The following DENND10 variants were observed in gnomAD, a reference collection of about 807,000 sequenced individuals.
DENND10 encodes the protein DENN domain-containing protein 10.
A neutral mutation model predicts 43.6 loss-of-function variants in DENND10; 24 were observed. The observed-to-expected ratio is 0.55, with a 90% CI of 0.40 to 0.77. The LOEUF (loss-of-function observed/expected upper bound fraction) is 0.77, where lower values mean the gene tolerates loss of function less well. Among genes scored for constraint, DENND10 ranks in the 30% least tolerant of loss-of-function variants. DENND10 has a pLI of 0.00. For missense variants in DENND10, 303 were observed against 429.9 expected (o/e 0.70, Z 2.61); for synonymous variants, 125 against 157.6 (o/e 0.79, Z 1.55).
intron 2 of DENND10, among the ~76,000 whole-genome samples, chr10:119,110,790 A>G (rs1844938057): frequency 6.6e-6 from 1 of 152,034 alleles, no homozygotes; most frequent in Non-Finnish European, 1.5e-5. Flanking sequence ...AGCTTATGGC[A>G]CCCTGCAGAG....
In DENND10 at chr10:119,116,835, A is replaced by AT. The variant is rs80097276; in HGVS notation, c.333-669dup. 2.5e-3 allele frequency among the ~76,000 whole-genome samples: 367 copies of AT among 144,664 alleles called. 2 individuals carry two copies. Among genetic ancestry groups the AT allele is most frequent in the African/African-American group, 7.3e-3 (284 of 38,992 alleles). 94.9% of individuals were successfully genotyped at this position (144,664 alleles called of 152,430 possible). On this transcript the variant is annotated intron_variant, in intron 3 of 8. Transcript: ENST00000361432. ...AGGCATGTACTGCCACACCTGGCTA[A>AT]TTTTTTTTTTTTTTTGGTATTTTTA...
In DENND10 at chr10:119,104,162, C is replaced by G. The variant is rs1047501020; in HGVS notation, c.20C>G (p.Ala7Gly). The change falls in exon 1 of 9, where the codon GCG becomes GGG. Residue 7 changes from alanine (A) to glycine (G), a missense_variant. Coordinates refer to ENST00000361432, the MANE Select transcript of DENND10 (RefSeq NM_207009.4). MAAAEV[A>G]DTQLMLGVGL... is the part of the protein sequence containing the mutation. ...CGGAAGATGGCTGCGGCCGAGGTGG[C>G]GGACACTCAGCTGATGCTTGGAGTC... 5 of 1,520,462 alleles carry G rather than the reference C, an allele frequency of 3.3e-6. No homozygotes were observed. The highest frequency in any genetic ancestry group is 1.4e-5 in the African/African-American group (1 of 69,820). 94.2% of individuals were successfully genotyped at this position (1,520,462 alleles called of 1,614,324 possible). A position where few individuals can be genotyped will look rare whatever the true frequency, so the allele number is the denominator to read the frequency against.
chr10:119,109,383 A>G (rs1844868014), intron 2 of DENND10, among the ~76,000 whole-genome samples: 1 of 152,144 alleles, frequency 6.6e-6, no homozygotes, highest in African/African-American at 2.4e-5. Flanking sequence ...GTTTTTTCAA[A>G]GAATAGAATA....
chr10:119,107,918 C>T (rs746052722), intron 1 of DENND10, 50 bp from the exon 2 acceptor site: 2 of 1,542,886 alleles, frequency 1.3e-6, no homozygotes, highest in Admixed American at 1.7e-5. Context: ...AATCAATTCA[C>T]TTCCTTGCTG....
intron 3 of DENND10, among the ~76,000 whole-genome samples, chr10:119,117,228 AG>A (rs931020091): frequency 6.6e-6 from 1 of 151,808 alleles, no homozygotes; most frequent in Non-Finnish European, 1.5e-5. Flanking sequence ...AAAACTTAGC[AG>A]GGTGTGGTGG....
chr10:119,108,225 C>G, intron 2 of DENND10, 61 bp downstream of exon 2: 1 of 1,213,344 alleles, frequency 8.2e-7, no homozygotes, highest in East Asian at 2.3e-5. Flanking sequence ...TGGCTCATGC[C>G]TGTAATCCCA....
chr10:119,106,285 G>A (rs1483768130), intron 1 of DENND10, among the ~76,000 whole-genome samples: 5 of 152,066 alleles, frequency 3.3e-5, no homozygotes, highest in Admixed American at 2.0e-4. Context: ...TTTTCCTTTC[G>A]GCAGATACCC....
At position 119,137,157 on chromosome 10, in the gene DENND10, A is replaced by C. The variant is rs1334064691; in HGVS notation, c.*510A>C. ...ATCATTCAAGAGACCCTGCAGTTGC[A>C]CTTTCTCGTAAAAGTTAAAAAAAAA... On this transcript the variant is annotated 3_prime_UTR_variant, in exon 9 of 9. Coordinates refer to ENST00000361432, the MANE Select transcript of DENND10 (RefSeq NM_207009.4). 5.6e-5 allele frequency: 8 copies of C among 141,958 alleles called. 1 individual carries two copies. Among genetic ancestry groups the C allele is most frequent in the Non-Finnish European group, 1.6e-5 (1 of 62,782 alleles). 8.8% of individuals were successfully genotyped at this position (141,958 alleles called of 1,614,324 possible).
At chr10:119,110,315 G>A (rs979528137) in intron 2 of DENND10, among the ~76,000 whole-genome samples, 8 of 151,676 alleles carry the variant, frequency 5.3e-5, no homozygotes, top group African/African-American at 1.9e-4. Flanking sequence ...GGGACTACAG[G>A]CATGCACCAC....
intron 2 of DENND10, among the ~76,000 whole-genome samples, chr10:119,109,742 C>T (rs1477404415): frequency 6.6e-6 from 1 of 151,640 alleles, no homozygotes; most frequent in Non-Finnish European, 1.5e-5. Flanking sequence ...CCTCAGCGTC[C>T]TGAGTAGCTG....
chr10:119,114,774 AT>A lies in DENND10; in HGVS notation c.333-2732del, dbSNP rs56026125. Among the ~76,000 whole-genome samples, 399 of 145,632 alleles carry A rather than the reference AT, an allele frequency of 2.7e-3. 3 individuals are homozygous for A. Among genetic ancestry groups the A allele is most frequent in the African/African-American group, 8.6e-3 (342 of 39,544 alleles). Reference sequence around the variant, plus strand: ...TACTGTGTATTGTTTCTATTTTATAATTTTTTTTTTTTTGAGATAGAGTTTC... The same window carrying A: ...TACTGTGTATTGTTTCTATTTTATAATTTTTTTTTTTTGAGATAGAGTTTC... On this transcript the variant is annotated intron_variant, in intron 3 of 8. Coordinates refer to ENST00000361432, the MANE Select transcript of DENND10 (RefSeq NM_207009.4).
chr10:119,124,371 C>A (rs1413426674), intron 6 of DENND10, among the ~76,000 whole-genome samples: 59 of 104,778 alleles, frequency 5.6e-4, no homozygotes, highest in Non-Finnish European at 7.1e-4. Context: ...ACTAAAATAC[C>A]AAAAAAAAAA....
chr10:119,105,435 C>A, intron 1 of DENND10: 1 of 653,672 alleles, frequency 1.5e-6, no homozygotes, highest in Non-Finnish European at 2.1e-6. Flanking sequence ...CTCAGGCGTG[C>A]ACCACCACCC....
At chr10:119,109,609 T>C (rs1844881989) in intron 2 of DENND10, among the ~76,000 whole-genome samples, 1 of 151,980 alleles carries the variant, frequency 6.6e-6, no homozygotes, top group Admixed American at 6.6e-5. Context: ...AAATATAAAT[T>C]TGCAAGAAGA....
intron 2 of DENND10, 42 bp downstream of exon 2, chr10:119,108,206 TGGGCGC>T: frequency 1.4e-6 from 2 of 1,423,300 alleles, no homozygotes; most frequent in Non-Finnish European, 2.0e-6. Flanking sequence ...CAAAATAGGC[TGGGCGC>T]GGTGGCTCAT....
At chr10:119,116,088 T>A in intron 3 of DENND10, among the ~76,000 whole-genome samples, 1 of 152,086 alleles carries the variant, frequency 6.6e-6, no homozygotes, top group Non-Finnish European at 1.5e-5. Context: ...CTTAAATATG[T>A]TTTATTTTCT....
At chr10:119,104,551 G>A (rs1446901360) in intron 1 of DENND10, among the ~76,000 whole-genome samples, 3 of 148,386 alleles carry the variant, frequency 2.0e-5, no homozygotes. Flanking sequence ...GGGGCGCTGC[G>A]CGGGCGGGGC....
chr10:119,128,599 C>G (rs1057384635), intron 6 of DENND10, among the ~76,000 whole-genome samples: 2 of 115,250 alleles, frequency 1.7e-5, no homozygotes, highest in African/African-American at 7.4e-5. Context: ...CAGAGCGAGA[C>G]TGTCTCAAAA....
At chr10:119,135,869 A>ATTT (rs1465637748) in intron 8 of DENND10, among the ~76,000 whole-genome samples, 1 of 143,688 alleles carries the variant, frequency 7.0e-6, no homozygotes, top group African/African-American at 2.5e-5. Context: ...ATTTTTCCTA[A>ATTT]TTTTTTCTTT....
Sources: allele counts gnomAD v4.1 joint callset (sites outside exome capture counted in the v4.1 genomes callset), GRCh38; gene constraint gnomAD v4.1.1; transcripts MANE v1.5; gene names NCBI Gene and HGNC (gene_info 2026-07-23, HGNC 2026-07-21).